Variants in VPS16 observed in about 807,000 individuals in gnomAD.
The protein encoded by VPS16 is vacuolar protein sorting-associated protein 16 homolog.
A neutral mutation model predicts 116.0 loss-of-function variants in VPS16; 82 were observed. The ratio of observed to expected loss-of-function variants is 0.71; its 90% CI spans 0.59 to 0.85. The LOEUF (loss-of-function observed/expected upper bound fraction) is 0.85. Among genes scored for constraint, VPS16 ranks in the 40% least tolerant of loss-of-function variants. The pLI is 0.00. For missense variants in VPS16, 928 were observed against 1,090.6 expected (o/e 0.85, Z 2.10); for synonymous variants, 406 against 420.7 (o/e 0.96, Z 0.43).
intron 1 of VPS16, among the ~76,000 whole-genome samples, chr20:2,854,005 A>G (rs924747000): frequency 2.9e-4 from 44 of 152,152 alleles, no homozygotes; most frequent in African/African-American, 1.0e-3. Flanking sequence ...GGCATCTACA[A>G]TGGTGACTCC....
At chr20:2,856,243 G>A (rs1010122411) in intron 1 of VPS16, among the ~76,000 whole-genome samples, 4 of 152,208 alleles carry the variant, frequency 2.6e-5, no homozygotes, top group Non-Finnish European at 4.4e-5. Flanking sequence ...TGGTGGAGCA[G>A]TCAGAACACA....
intron 1 of VPS16, among the ~76,000 whole-genome samples, chr20:2,844,865 G>C (rs768730142): frequency 6.6e-6 from 1 of 152,180 alleles, no homozygotes; most frequent in African/African-American, 2.4e-5. Context: ...TAGGCAACAA[G>C]AACAGGACAT....
intron 1 of VPS16, among the ~76,000 whole-genome samples, chr20:2,855,352 A>G (rs747069377): frequency 1.1e-4 from 16 of 151,858 alleles, no homozygotes; most frequent in Non-Finnish European, 2.2e-4. Flanking sequence ...ACCATGCTGT[A>G]AACAATGTGC....
At chr20:2,862,229 TC>T in intron 11 of VPS16, 99 bp downstream of exon 11, 1 of 1,396,068 alleles carries the variant, frequency 7.2e-7, no homozygotes, top group Non-Finnish European at 9.8e-7. Flanking sequence ...AAGAGAGGGG[TC>T]CAGGCAGGAC....
At position 2,860,037 on chromosome 20, in the gene VPS16, C is replaced by T. The variant is rs746040137; in HGVS notation, c.143-17C>T. The T allele has an allele frequency of 6.2e-7, 1 of 1,613,834 alleles. No individual in the cohort carries two copies. The highest frequency in any genetic ancestry group is 1.1e-5 in the South Asian group (1 of 91,076). ...GGCCTAGGGAGCTAGGACAGAAGGT[C>T]TCTTCTCAAACTGCAGCACTGCTGA... On this transcript the variant is annotated splice_polypyrimidine_tract_variant and intron_variant, in intron 2 of 23. Transcript: ENST00000380445. This position sits in a 1 kb window ranked among gnomAD's most constrained non-coding sequence, Gnocchi z 6.1.
At chr20:2,862,422 G>T in intron 11 of VPS16, 157 bp from the exon 12 acceptor site, 1 of 1,397,150 alleles carries the variant, frequency 7.2e-7, no homozygotes, top group Non-Finnish European at 9.5e-7. Context: ...ATGTCTGTGG[G>T]CACCTCAGGT....
Position 2,858,237 on chromosome 20 carries a change from C to G in VPS16, c.54-1482C>G, listed in dbSNP as rs570488710. 2.0e-5 allele frequency among the ~76,000 whole-genome samples: 3 copies of G among 152,094 alleles called. No homozygotes were observed. The East Asian group carries it at 5.8e-4, about 29-fold the overall frequency. The stretch of plus-strand genomic sequence containing the variant: ...AGCCCCCCAAGTAGCTGGCATGCTA[C>G]TTGTAACTACAGGCATGTGCCATCA... On this transcript the variant is annotated intron_variant, in intron 1 of 23. Coordinates refer to ENST00000380445, the MANE Select transcript of VPS16 (RefSeq NM_022575.4).
chr20:2,841,162 C>G (rs1341522564), intron 1 of VPS16: 1 of 369,230 alleles, frequency 2.7e-6, no homozygotes, highest in Admixed American at 4.6e-5. Context: ...GAAGTCAGAC[C>G]ACAGGGGCGC....
chr20:2,843,356 T>C (rs935439008), intron 1 of VPS16, among the ~76,000 whole-genome samples: 3 of 151,794 alleles, frequency 2.0e-5, no homozygotes, highest in Non-Finnish European at 4.4e-5. Context: ...TGCTTGAACC[T>C]GGGAGGCGGA....
In VPS16 at chr20:2,866,575, G is replaced by A. The variant is rs1398493356; in HGVS notation, c.*1G>A. 2.5e-6 allele frequency: 4 copies of A among 1,613,930 alleles called. No individual in the cohort carries two copies. Among genetic ancestry groups the A allele is most frequent in the Non-Finnish European group, 2.5e-6 (3 of 1,180,006 alleles). On this transcript the variant is annotated 3_prime_UTR_variant, in exon 24 of 24. Transcript: ENST00000380445. ...CAGGGCACAAGCCCAGAAGAAGTGA[G>A]GAGTCCATCCTGTACATCTCAAGCA...
Position 2,864,027 on chromosome 20 carries a change from T to G in VPS16, c.1555T>G (p.Tyr519Asp), listed in dbSNP as rs777796610. 1 of 1,614,138 alleles carries G rather than the reference T, an allele frequency of 6.2e-7. No individual in the cohort carries two copies. Among genetic ancestry groups the G allele is most frequent in the Non-Finnish European group, 8.5e-7 (1 of 1,180,030 alleles). The stretch of plus-strand genomic sequence containing the variant: ...GCTGGGGGACACGCCTGGTGTCTCT[T>G]ACTCCGACATTGCTGCACGAGCCTA... ...QKLGDTPGVS[Y>D]SDIAARAYGC... The change falls in exon 16 of 24, where the codon TAC becomes GAC. Residue 519 changes from tyrosine to aspartate, a missense_variant. Tyr to Asp is a radical substitution (Grantham distance 160). Transcript: ENST00000380445. The surrounding 1 kb of genome is among the most constrained non-coding windows in gnomAD (Gnocchi z 5.2).
At chr20:2,862,182 C>G in intron 11 of VPS16, 52 bp downstream of exon 11, 1 of 1,577,426 alleles carries the variant, frequency 6.3e-7, no homozygotes, top group Non-Finnish European at 8.6e-7. Flanking sequence ...CCTGCCCCTG[C>G]GTGGGCATGT....
chr20:2,860,146 C>A lies in VPS16; in HGVS notation c.235C>A (p.Leu79Met), dbSNP rs2146664893. 6.2e-7 allele frequency: 1 copy of A among 1,614,056 alleles called. No individual in the cohort carries two copies. Among genetic ancestry groups the A allele is most frequent in the South Asian group, 1.1e-5 (1 of 91,078 alleles). ...TGCTTCCGGCATGCCTCTGGCCAGC[C>A]TGCTGGTGAGCACTTCTGATGGTCC... Reference protein sequence around the residue: ...YSASGMPLASLLWKSGPVVSL... With the variant: ...YSASGMPLASMLWKSGPVVSL... Residue 79 changes from leucine to methionine, a missense_variant, in exon 3 of 24, where the codon CTG becomes ATG. Physicochemically the swap from Leu to Met is conservative, Grantham distance 15. Coordinates refer to ENST00000380445, the MANE Select transcript of VPS16 (RefSeq NM_022575.4). The surrounding 1 kb of genome is among the most constrained non-coding windows in gnomAD (Gnocchi z 6.1).
In VPS16 at chr20:2,861,245, C is replaced by T; in HGVS notation, c.774C>T (p.Asn258=). 2 of 1,614,212 alleles carry T rather than the reference C, an allele frequency of 1.2e-6. No homozygotes were observed. The highest frequency in any genetic ancestry group is 1.7e-6 in the Non-Finnish European group (2 of 1,180,040). Residue 258 remains asparagine, a synonymous_variant, in exon 8 of 24, where the codon AAC becomes AAT. Transcript: ENST00000380445. ...ASLKEKLCEF[N]CNIRAPPKQM... Reference sequence around the variant, plus strand: ...TTCAGGAGAAGCTATGTGAGTTCAACTGCAACATCCGGGCACCTCCAAAGC... The same window carrying T: ...TTCAGGAGAAGCTATGTGAGTTCAATTGCAACATCCGGGCACCTCCAAAGC...
Position 2,840,760 on chromosome 20 carries a change from C to G in VPS16, c.-15C>G. 1 of 1,547,986 alleles carries G rather than the reference C, an allele frequency of 6.5e-7. No individual in the cohort carries two copies. Among genetic ancestry groups the G allele is most frequent in the Non-Finnish European group, 8.7e-7 (1 of 1,146,452 alleles). On this transcript the variant is annotated 5_prime_UTR_variant, in exon 1 of 24. Coordinates refer to ENST00000380445, the MANE Select transcript of VPS16 (RefSeq NM_022575.4). Reference sequence around the variant, plus strand: ...GTGTCCCCTCGGTGCTTCCCAGCTGCCGTCTGCACCAGCCATGGACTGCTA... The same window carrying G: ...GTGTCCCCTCGGTGCTTCCCAGCTGGCGTCTGCACCAGCCATGGACTGCTA...
Position 2,860,414 on chromosome 20 carries a change from T to C in VPS16, c.370-35T>C. 1 of 1,614,018 alleles carries C rather than the reference T, an allele frequency of 6.2e-7. No individual in the cohort carries two copies. The highest frequency in any genetic ancestry group is 1.1e-5 in the South Asian group (1 of 91,076). ...GGACGCGGGGTAGAGTTTATGACCC[T>C]GTGGCTCCCTTAACCCATGGCCCCC... On this transcript the variant is annotated intron_variant, in intron 4 of 23. Transcript: ENST00000380445. This position sits in a 1 kb window ranked among gnomAD's most constrained non-coding sequence, Gnocchi z 6.1.
rs1482297449 is a variant in VPS16, at chr20:2,854,843, C to T, written c.54-4876C>T. 5.3e-5 allele frequency among the ~76,000 whole-genome samples: 8 copies of T among 151,822 alleles called. No homozygotes were observed. In the East Asian group the frequency reaches 1.5e-3, roughly 29 times the overall value. On this transcript the variant is annotated intron_variant, in intron 1 of 23. Coordinates refer to ENST00000380445, the MANE Select transcript of VPS16 (RefSeq NM_022575.4). ...AAAAGAAAATTGAAATCACTCTTTCCTTGATCCATGAGCTGCACAATGGAT... is the reference window on the plus strand; with the variant it reads ...AAAAGAAAATTGAAATCACTCTTTCTTTGATCCATGAGCTGCACAATGGAT...
rs2089222105 is a variant in VPS16 at position 2,861,018 on chromosome 20, G to A, written c.679G>A (p.Val227Ile). Residue 227 changes from valine to isoleucine, a missense_variant, in exon 7 of 24, where the codon GTC (valine) becomes ATC (isoleucine). Physicochemically the swap from Val to Ile is conservative, Grantham distance 29 (BLOSUM62 3). Coordinates refer to ENST00000380445, the MANE Select transcript of VPS16 (RefSeq NM_022575.4). ...PGVSSFLQMA[V>I]SFTYRHLALF... ...AGTAAGCAGCTTCCTACAGATGGCTGTCTCCTTCACCTACCGACACCTGGC... is the reference window on the plus strand; with the variant it reads ...AGTAAGCAGCTTCCTACAGATGGCTATCTCCTTCACCTACCGACACCTGGC... 11 of 1,614,186 alleles carry A rather than the reference G, an allele frequency of 6.8e-6. No homozygotes were observed. The highest frequency in any genetic ancestry group is 8.5e-6 in the Non-Finnish European group (10 of 1,180,036).
At chr20:2,847,447 A>T (rs1448363868) in intron 1 of VPS16, among the ~76,000 whole-genome samples, 1 of 137,550 alleles carries the variant, frequency 7.3e-6, no homozygotes, top group African/African-American at 2.7e-5. Context: ...GAACTGCTCT[A>T]CCTCTGAAAT....
Sources: gnomAD v4.1 joint callset for allele counts (sites outside exome capture counted in the v4.1 genomes callset) on GRCh38, gnomAD v4.1.1 for gene constraint, Gnocchi (gnomAD v3.1) non-coding constraint, MANE v1.5 for transcripts, NCBI Gene and HGNC (gene_info 2026-07-23, HGNC 2026-07-21) for gene names.